DPP6: variants seen among roughly 807,000 people sequenced by gnomAD.
The protein encoded by DPP6 is dipeptidyl peptidase like 6.
DPP6 carries 69 observed loss-of-function variants against 122.6 expected under a neutral mutation model. The observed-to-expected ratio is 0.56, with a 90% confidence interval of 0.46 to 0.69. The LOEUF (loss-of-function observed/expected upper bound fraction) is 0.69, where lower values mean the gene tolerates loss of function less well. Among genes scored for constraint, DPP6 ranks in the 30% least tolerant of loss-of-function variants. The pLI is 0.00. For synonymous variants in DPP6, 418 were observed against 433.1 expected (o/e 0.97, Z 0.43); for missense variants, 928 against 1,116.9 (o/e 0.83, Z 2.41).
intron 1 of DPP6, among the ~76,000 whole-genome samples, chr7:154,192,772 G>A (rs1220451630): frequency 6.6e-6 from 1 of 152,216 alleles, no homozygotes; most frequent in African/African-American, 2.4e-5. Flanking sequence ...AGAATCTCGT[G>A]CAAACAGGAA....
chr7:154,395,314 G>A (rs1814985137), intron 1 of DPP6, among the ~76,000 whole-genome samples: 1 of 152,092 alleles, frequency 6.6e-6, no homozygotes, highest in Admixed American at 6.5e-5. Flanking sequence ...AAATTTTGGG[G>A]GGAAACAAAC....
At chr7:154,255,049 CA>C (rs771470820) in intron 1 of DPP6, among the ~76,000 whole-genome samples, 2 of 151,772 alleles carry the variant, frequency 1.3e-5, no homozygotes. Flanking sequence ...ACCACATGGG[CA>C]AAAAAATAAA....
chr7:154,211,301 C>G (rs76741664), intron 1 of DPP6, among the ~76,000 whole-genome samples: 16 of 152,092 alleles, frequency 1.1e-4, no homozygotes, highest in Non-Finnish European at 2.2e-4. Flanking sequence ...CAGGAGGGAA[C>G]GAGCAGGCAG....
intron 1 of DPP6, among the ~76,000 whole-genome samples, chr7:154,281,950 G>GT (rs1243545274): frequency 6.6e-6 from 1 of 152,172 alleles, no homozygotes; most frequent in Non-Finnish European, 1.5e-5. Flanking sequence ...AGATGATATG[G>GT]TATGGGGGGT....
chr7:154,146,688 T>C (rs1165364410), intron 1 of DPP6, among the ~76,000 whole-genome samples: 3 of 152,278 alleles, frequency 2.0e-5, no homozygotes, highest in Non-Finnish European at 2.9e-5. Flanking sequence ...GCATTATTCA[T>C]ATAAATATGC....
intron 1 of DPP6, among the ~76,000 whole-genome samples, chr7:154,060,067 C>CA (rs1215645193): frequency 2.5e-4 from 37 of 150,578 alleles, no homozygotes; most frequent in African/African-American, 8.8e-4. Context: ...TCTTCCCCCC[C>CA]TGGCTCTTGG....
At chr7:154,262,735 G>C (rs938061056) in intron 1 of DPP6, among the ~76,000 whole-genome samples, 1 of 151,684 alleles carries the variant, frequency 6.6e-6, no homozygotes, top group Non-Finnish European at 1.5e-5. Flanking sequence ...TTTTGTTGGG[G>C]ATAAAAGTGA....
rs930171885 is a variant in DPP6 at position 153,908,289 on chromosome 7, T to C, written c.51+20555T>C. ...ATGCTGTGAAGGGCTAAGAAATGTG[T>C]TCATCCCACAGAGGATGAAACAACA... On this transcript the variant is annotated intron_variant, in intron 1 of 25. Coordinates refer to the DPP6 transcript ENST00000404039. 2.6e-5 allele frequency among the ~76,000 whole-genome samples: 4 copies of C among 152,120 alleles called. No homozygotes were observed. The East Asian group carries it at 5.8e-4, about 22-fold the overall frequency.
intron 2 of DPP6, among the ~76,000 whole-genome samples, chr7:154,469,913 G>T (rs574880236): frequency 2.3e-4 from 35 of 152,308 alleles, no homozygotes; most frequent in Non-Finnish European, 1.6e-4. Context: ...ATCGCTGACG[G>T]AACAGGCTGC....
At chr7:154,352,395 G>A (rs1035306801) in intron 1 of DPP6, among the ~76,000 whole-genome samples, 18 of 151,880 alleles carry the variant, frequency 1.2e-4, no homozygotes, top group South Asian at 2.1e-4. Context: ...CCCGGGAGGC[G>A]GAGCTTGCAG....
At chr7:153,973,514 G>A (rs1563064443) in intron 1 of DPP6, among the ~76,000 whole-genome samples, 1 of 152,102 alleles carries the variant, frequency 6.6e-6, no homozygotes, top group Admixed American at 6.6e-5. Context: ...TTCCTATTAT[G>A]GTAAGCTAAC....
At chr7:154,451,216 C>T (rs1370368220) in intron 2 of DPP6, among the ~76,000 whole-genome samples, 1 of 151,964 alleles carries the variant, frequency 6.6e-6, no homozygotes, top group Non-Finnish European at 1.5e-5. Context: ...CAAAAATTAG[C>T]TGGGCTTGGT....
At chr7:154,820,763 A>G (rs577935075) in intron 16 of DPP6, among the ~76,000 whole-genome samples, 1 of 152,354 alleles carries the variant, frequency 6.6e-6, no homozygotes, top group East Asian at 1.9e-4. Context: ...GGAAGGGGGA[A>G]GAAATAAATC....
intron 3 of DPP6, among the ~76,000 whole-genome samples, chr7:154,531,166 C>T (rs1266417222): frequency 1.3e-5 from 2 of 152,100 alleles, no homozygotes; most frequent in Non-Finnish European, 2.9e-5. Context: ...ACATCCTGCA[C>T]ATGTACCCCA....
intron 1 of DPP6, among the ~76,000 whole-genome samples, chr7:154,410,615 G>C (rs1050695095): frequency 1.3e-5 from 2 of 152,188 alleles, no homozygotes; most frequent in African/African-American, 4.8e-5. Flanking sequence ...GGTAGTGCTT[G>C]TTATAATTAA....
At position 154,569,152 on chromosome 7, in the gene DPP6, G is replaced by A. The variant is rs570902809; in HGVS notation, c.627+2236G>A. ...ATGAGAATTTGGAGTTAGATATTAGGAAGATCTTCCTAACTAGATAAACTA... is the reference window on the plus strand; with the variant it reads ...ATGAGAATTTGGAGTTAGATATTAGAAAGATCTTCCTAACTAGATAAACTA... On this transcript the variant is annotated intron_variant, in intron 5 of 25. Coordinates refer to ENST00000377770, the MANE Select transcript of DPP6 (RefSeq NM_130797.4). Among the ~76,000 whole-genome samples, 17 of 151,888 alleles carry A rather than the reference G, an allele frequency of 1.1e-4. No individual in the cohort carries two copies. The East Asian group carries it at 3.1e-3, about 28-fold the overall frequency.
At chr7:154,592,905 G>C (rs1015546858) in intron 5 of DPP6, among the ~76,000 whole-genome samples, 1 of 152,128 alleles carries the variant, frequency 6.6e-6, no homozygotes, top group African/African-American at 2.4e-5. Flanking sequence ...CAGAGGAGGG[G>C]GAACACAACT....
intron 1 of DPP6, among the ~76,000 whole-genome samples, chr7:154,144,002 C>G (rs1032709459): frequency 6.6e-6 from 1 of 151,342 alleles, no homozygotes; most frequent in Non-Finnish European, 1.5e-5. Flanking sequence ...AAATTTATAT[C>G]AGTTTATATT....
intron 1 of DPP6, among the ~76,000 whole-genome samples, chr7:154,422,151 C>A (rs1817519079): frequency 6.6e-6 from 1 of 152,140 alleles, no homozygotes; most frequent in African/African-American, 2.4e-5. Flanking sequence ...GAATAAATAC[C>A]TGAATTCTCT....
Sources: allele counts gnomAD v4.1 joint callset (sites outside exome capture counted in the v4.1 genomes callset), GRCh38; gene constraint gnomAD v4.1.1; transcripts MANE v1.5; gene names NCBI Gene and HGNC (gene_info 2026-07-23, HGNC 2026-07-21).